Variants in METTL25B observed in about 807,000 individuals in gnomAD.
METTL25B encodes methyltransferase-like protein 25B.
In METTL25B, 38 loss-of-function variants were observed where a neutral mutation model predicts 48.4. That is an observed-to-expected ratio of 0.78 (90% CI 0.61 to 1.03). The LOEUF is 1.03. Among genes scored for constraint, METTL25B ranks in the 50% least tolerant of loss-of-function variants. The pLI is 0.00. For synonymous variants in METTL25B, 230 were observed against 254.5 expected, an observed-to-expected ratio of 0.90 and a Z score of 0.92; for missense variants, 537 against 603.7, an observed-to-expected ratio of 0.89 and a Z score of 1.16.
chr1:156,729,435 T>C, intron 1 of METTL25B: 35 of 391,482 alleles, frequency 8.9e-5, no homozygotes, highest in Middle Eastern at 7.0e-4. Context: ...TTTTTTTTCT[T>C]TTTTTTTTTG....
At chr1:156,735,617 G>C in intron 6 of METTL25B, 108 bp from the exon 7 acceptor site, 1 of 462,122 alleles carries the variant, frequency 2.2e-6, no homozygotes, top group South Asian at 3.1e-5. Context: ...CGCATATTGG[G>C]GTAGAAAATA....
Position 156,736,775 on chromosome 1 carries a change from A to G in METTL25B, c.*22A>G. ...CTGATGCAGCCTGAGGAAACATCTC[A>G]GACCCCATCATCTGAAAGTGCCCAG... On this transcript the variant is annotated 3_prime_UTR_variant, in exon 8 of 8. Transcript: ENST00000368216. 4.4e-6 allele frequency: 7 copies of G among 1,603,914 alleles called. No homozygotes were observed. The highest frequency in any genetic ancestry group is 5.9e-6 in the Non-Finnish European group (7 of 1,178,358).
Position 156,728,907 on chromosome 1 carries a change from C to T in METTL25B, c.-198C>T. 1.7e-6 allele frequency: 1 copy of T among 583,624 alleles called. No individual in the cohort carries two copies. The highest frequency in any genetic ancestry group is 2.8e-6 in the Non-Finnish European group (1 of 359,790). The allele number at this position is 583,624 out of a possible 1,614,324, so 36.2% of individuals were successfully genotyped here. On this transcript the variant is annotated 5_prime_UTR_variant, in exon 1 of 8. Coordinates refer to ENST00000368216, the MANE Select transcript of METTL25B (RefSeq NM_015997.4). ...CCTTCTCACTGTGAAACGTCGCGAC[C>T]TGTGACGTCTGGGGGGCGCCTCAAA... is the stretch of plus-strand genomic sequence containing the variant.
intron 7 of METTL25B, chr1:156,736,371 A>G: frequency 2.6e-6 from 1 of 387,396 alleles, no homozygotes. Context: ...AAATATTAAG[A>G]TTCCTACCAA....
intron 1 of METTL25B, among the ~76,000 whole-genome samples, chr1:156,731,506 A>G (rs182920540): frequency 6.6e-6 from 1 of 152,302 alleles, no homozygotes; most frequent in East Asian, 1.9e-4. Flanking sequence ...TGAGCCTACA[A>G]TAGAGCTTGA....
intron 5 of METTL25B, chr1:156,733,729 A>G: frequency 1.5e-6 from 1 of 656,984 alleles, no homozygotes; most frequent in Non-Finnish European, 2.6e-6. Context: ...TTTCCACACC[A>G]ATGTATACTT....
In METTL25B at chr1:156,733,437, G is replaced by A. The variant is rs368015555; in HGVS notation, c.553G>A (p.Asp185Asn). Residue 185 changes from aspartate (D) to asparagine (N), a missense_variant, in exon 5 of 8, where the codon GAT becomes AAT. Coordinates refer to ENST00000368216, the MANE Select transcript of METTL25B (RefSeq NM_015997.4). ...GTTGATGGTGAAGAGCATCGAAGGG[G>A]ATCAGAGACTGGTGGAGAGAGCCCA... ...LGLMVKSIEG[D>N]QRLVERAQRL... is the part of the protein sequence containing the mutation. 2.5e-6 allele frequency: 4 copies of A among 1,614,104 alleles called. No homozygotes were observed. The highest frequency in any genetic ancestry group is 2.2e-5 in the South Asian group (2 of 91,082).
rs1343794613 is a variant in METTL25B, at chr1:156,732,981, T to C, written c.430-4T>C. 1 of 1,614,108 alleles carries C rather than the reference T, an allele frequency of 6.2e-7. No individual in the cohort carries two copies. Among genetic ancestry groups the C allele is most frequent in the Non-Finnish European group, 8.5e-7 (1 of 1,180,000 alleles). ...TAGGAGACCTTTGTTTCCTCCTTTT[T>C]CAGTTGGTGAAGAAGCTGAGTGATT... On this transcript the variant is annotated splice_polypyrimidine_tract_variant and splice_region_variant and intron_variant, in intron 3 of 7. Transcript: ENST00000368216.
Position 156,734,089 on chromosome 1 carries a change from G to A in METTL25B, c.717G>A (p.Leu239=). The A allele has an allele frequency of 6.2e-7, 1 of 1,614,190 alleles. No homozygotes were observed. Among genetic ancestry groups the A allele is most frequent in the Non-Finnish European group, 8.5e-7 (1 of 1,180,042 alleles). ...VDPTALCEEL[L]LPLENPCQGR... ...CCACAGCCCTGTGTGAGGAGCTTCT[G>A]CTTCCACTGGAGAACCCGTGTCAGG... Residue 239 remains leucine, a synonymous_variant, in exon 6 of 8, where the codon CTG becomes CTA. Transcript: ENST00000368216.
rs763400453 is a variant in METTL25B, at chr1:156,733,042, G to T, written c.487G>T (p.Gly163Cys). The T allele has an allele frequency of 3.1e-6, 5 of 1,613,974 alleles. No homozygotes were observed. The highest frequency in any genetic ancestry group is 1.7e-5 in the Admixed American group (1 of 60,002). The change falls in exon 4 of 8, where the codon GGC (glycine) becomes TGC (cysteine). Residue 163 changes from glycine (G) to cysteine (C), a missense_variant. Transcript: ENST00000368216. Reference protein sequence around the residue: ...GCTQVVDVGSGQGHLSRFMAL... With the variant: ...GCTQVVDVGSCQGHLSRFMAL... Reference sequence around the variant, plus strand: ...CACCCAGGTTGTAGACGTGGGCTCAGGCCAGGTGAGCCAGAGTCTTGATGT... The same window carrying T: ...CACCCAGGTTGTAGACGTGGGCTCATGCCAGGTGAGCCAGAGTCTTGATGT...
chr1:156,732,054 C>T lies in METTL25B; in HGVS notation c.175C>T (p.Leu59=). 1 of 1,614,216 alleles carries T rather than the reference C, an allele frequency of 6.2e-7. No homozygotes were observed. The highest frequency in any genetic ancestry group is 8.5e-7 in the Non-Finnish European group (1 of 1,180,044). Residue 59 remains leucine (L), a synonymous_variant, in exon 2 of 8, where the codon CTG becomes TTG. Coordinates refer to ENST00000368216, the MANE Select transcript of METTL25B (RefSeq NM_015997.4). ...CTCATGGCAGGAAGCATTGGATGGA[C>T]TGAAACCACCACAGCTGGCCACAAT... The part of the protein sequence containing the change: ...PCSWQEALDG[L]KPPQLATMLL...
In METTL25B at chr1:156,729,127, G is replaced by C; in HGVS notation, c.23G>C (p.Gly8Ala). The C allele has an allele frequency of 6.2e-7, 1 of 1,608,992 alleles. No homozygotes were observed. Among genetic ancestry groups the C allele is most frequent in the Non-Finnish European group, 8.5e-7 (1 of 1,178,264 alleles). The stretch of plus-strand genomic sequence containing the variant: ...GGGATGCCGGGCATCTCCGCCCGAG[G>C]CCTCTCTCATGAGGGGAGGAAGCAG... MPGISAR[G>A]LSHEGRKQLA... Residue 8 changes from glycine (G) to alanine (A), a missense_variant, in exon 1 of 8, where the codon GGC becomes GCC. Transcript: ENST00000368216.
chr1:156,735,605 A>C, intron 6 of METTL25B, 120 bp from the exon 7 acceptor site: 1 of 251,956 alleles, frequency 4.0e-6, no homozygotes, highest in Non-Finnish European at 6.6e-6. Flanking sequence ...TGTTCATGAA[A>C]ACGCATATTG....
rs1648961767 is a variant in METTL25B, at chr1:156,728,855, C to G, written c.-250C>G. On this transcript the variant is annotated 5_prime_UTR_variant, in exon 1 of 8. Transcript: ENST00000368216. Reference sequence around the variant, plus strand: ...TTTGTGGCGTCACTGCACTGTTACCCCGCCCTACGTGTCTCTGACGCTGAC... The same window carrying G: ...TTTGTGGCGTCACTGCACTGTTACCGCGCCCTACGTGTCTCTGACGCTGAC... 1.4e-6 allele frequency: 1 copy of G among 698,238 alleles called. No individual in the cohort carries two copies. Among genetic ancestry groups the G allele is most frequent in the African/African-American group, 1.9e-5 (1 of 52,868 alleles). 43.3% of individuals were successfully genotyped at this position (698,238 alleles called of 1,614,324 possible). A position where few individuals can be genotyped will look rare whatever the true frequency, so the allele number is the denominator to read the frequency against.
In METTL25B at chr1:156,734,443, T is replaced by C; in HGVS notation, c.1071T>C (p.Arg357=). ...TCCGACGGGCCCGGCCCGAGCTCCG[T>C]CGGCCAGGCGTGCAGGGTATCCCCA... is the stretch of plus-strand genomic sequence containing the variant. The part of the protein sequence containing the change: ...TVIRRARPEL[R]RPGVQGIPRV... Residue 357 remains arginine (R), a synonymous_variant, in exon 6 of 8, where the codon CGT becomes CGC. Transcript: ENST00000368216. 1 of 1,604,476 alleles carries C rather than the reference T, an allele frequency of 6.2e-7. No homozygotes were observed. Among genetic ancestry groups the C allele is most frequent in the Non-Finnish European group, 8.5e-7 (1 of 1,175,758 alleles).
At position 156,729,127 on chromosome 1, in the gene METTL25B, GC is replaced by G; in HGVS notation, c.25del (p.Leu9SerfsTer9). On this transcript the variant is annotated frameshift_variant, in exon 1 of 8. Transcript: ENST00000368216. LOFTEE classifies it high-confidence loss of function. Reference sequence around the variant, plus strand: ...GGGATGCCGGGCATCTCCGCCCGAGGCCTCTCTCATGAGGGGAGGAAGCAGC... The same window carrying G: ...GGGATGCCGGGCATCTCCGCCCGAGGCTCTCTCATGAGGGGAGGAAGCAGC... MPGISAR[G>X]LSHEGRKQLA... 6.2e-7 allele frequency: 1 copy of G among 1,608,992 alleles called. No homozygotes were observed. The highest frequency in any genetic ancestry group is 8.5e-7 in the Non-Finnish European group (1 of 1,178,264).
Sources: allele counts gnomAD v4.1 joint callset (sites outside exome capture counted in the v4.1 genomes callset), GRCh38; gene constraint gnomAD v4.1.1; transcripts MANE v1.5; gene names NCBI Gene and HGNC (gene_info 2026-07-23, HGNC 2026-07-21).